CNNM1: variants seen among roughly 807,000 people sequenced by gnomAD.
The protein encoded by CNNM1 is cyclin and CBS domain divalent metal cation transport mediator 1, also known as metal transporter CNNM1.
A neutral mutation model predicts 78.8 loss-of-function variants in CNNM1; 44 were observed. That is an observed-to-expected ratio of 0.56 (90% CI 0.44 to 0.72). The LOEUF (loss-of-function observed/expected upper bound fraction) is 0.72, where lower values mean the gene tolerates loss of function less well. Among genes scored for constraint, CNNM1 ranks in the 30% least tolerant of loss-of-function variants. The pLI is 0.00. For synonymous variants in CNNM1, 584 were observed against 581.5 expected, an observed-to-expected ratio of 1.00 and a Z score of -0.06; for missense variants, 1,101 against 1,292.2, an observed-to-expected ratio of 0.85 and a Z score of 2.27.
chr10:99,353,570 T>A lies in CNNM1; in HGVS notation c.1574-3942T>A, dbSNP rs145195914. Among the ~76,000 whole-genome samples, 489 of 151,978 alleles carry A rather than the reference T, an allele frequency of 3.2e-3. 1 individual carries two copies. Among genetic ancestry groups the A allele is most frequent in the Non-Finnish European group, 5.3e-3 (363 of 67,956 alleles). ...GCACCTCTAGGGCCCAGGAAGGGAGTAAGGGAGGTGCAGGCATAGGGCTCT... is the reference window on the plus strand; with the variant it reads ...GCACCTCTAGGGCCCAGGAAGGGAGAAAGGGAGGTGCAGGCATAGGGCTCT... On this transcript the variant is annotated intron_variant, in intron 1 of 10. Transcript: ENST00000356713.
At chr10:99,356,351 C>T (rs1389506686) in intron 1 of CNNM1, among the ~76,000 whole-genome samples, 1 of 151,980 alleles carries the variant, frequency 6.6e-6, no homozygotes, top group East Asian at 1.9e-4. Flanking sequence ...TGGTGCTCAT[C>T]TGTGGTCCCA....
At chr10:99,348,251 G>A (rs1188937345) in intron 1 of CNNM1, among the ~76,000 whole-genome samples, 1 of 151,976 alleles carries the variant, frequency 6.6e-6, no homozygotes, top group African/African-American at 2.4e-5. Context: ...TTGATTCATT[G>A]CCCAGGCTGG....
At chr10:99,365,771 A>G (rs1312333395) in intron 6 of CNNM1, among the ~76,000 whole-genome samples, 2 of 152,194 alleles carry the variant, frequency 1.3e-5, no homozygotes, top group Non-Finnish European at 2.9e-5. Flanking sequence ...TGACCACTTC[A>G]ATGCCAAATA....
chr10:99,367,862 G>A (rs557248185), intron 6 of CNNM1, among the ~76,000 whole-genome samples: 4 of 31,392 alleles, frequency 1.3e-4, no homozygotes, highest in African/African-American at 4.4e-4. Flanking sequence ...CCACTTGAAG[G>A]GGGAGGGGCT....
intron 7 of CNNM1, among the ~76,000 whole-genome samples, chr10:99,384,738 C>T (rs1490218844): frequency 6.6e-6 from 1 of 152,068 alleles, no homozygotes; most frequent in East Asian, 1.9e-4. Flanking sequence ...ATCCTTGATT[C>T]CAGGTAACAA....
rs1194681130 is a variant in CNNM1, at chr10:99,391,455, G to A, written c.2795G>A (p.Arg932Lys). ...TTTTCAGGTGGCCAAAAAAGGAAGA[G>A]GTCACCAGAAGGAGAGAGAACCTCT... ...LRTLSGQKRKRSPEGERTSED... is the reference protein window; with the variant it reads ...LRTLSGQKRKKSPEGERTSED... The change falls in exon 11 of 11, where the codon AGG becomes AAG. Residue 932 changes from arginine to lysine, a missense_variant. Around this residue, in one of 3 missense-constraint regions of CNNM1, gnomAD observed 348 missense variants for 384.5 expected, o/e 0.90. Transcript: ENST00000356713. The A allele has an allele frequency of 2.2e-5, 36 of 1,613,704 alleles. No individual in the cohort carries two copies. The highest frequency in any genetic ancestry group is 3.1e-5 in the Non-Finnish European group (36 of 1,179,820).
At chr10:99,390,808 G>T (rs185877261) in intron 10 of CNNM1, among the ~76,000 whole-genome samples, 1 of 152,346 alleles carries the variant, frequency 6.6e-6, no homozygotes, top group East Asian at 1.9e-4. Flanking sequence ...GTCCTTTAAA[G>T]AATTGGTGTC....
Position 99,329,671 on chromosome 10 carries a change from G to C in CNNM1, c.284G>C (p.Gly95Ala). 1 of 1,558,782 alleles carries C rather than the reference G, an allele frequency of 6.4e-7. No individual in the cohort carries two copies. The highest frequency in any genetic ancestry group is 1.2e-5 in the South Asian group (1 of 86,192). Reference sequence around the variant, plus strand: ...GTGCCCTCACCGACCCTCAACTCGGGGGAGAATGGCACCGGCGACTGGGCT... The same window carrying C: ...GTGCCCTCACCGACCCTCAACTCGGCGGAGAATGGCACCGGCGACTGGGCT... ...APVPSPTLNS[G>A]ENGTGDWAPR... is the part of the protein sequence containing the mutation. The change falls in exon 1 of 11, where the codon GGG becomes GCG. Residue 95 changes from glycine (G) to alanine (A), a missense_variant. This residue lies in a region of CNNM1 where 476 missense variants were observed against 484.5 expected (regional missense o/e 0.98). Transcript: ENST00000356713.
chr10:99,343,337 T>C (rs2030540163), intron 1 of CNNM1, among the ~76,000 whole-genome samples: 1 of 152,194 alleles, frequency 6.6e-6, no homozygotes, highest in Admixed American at 6.5e-5. Flanking sequence ...TAATCCCTCG[T>C]AGTTGCAAAG....
At chr10:99,345,457 A>G (rs2030650389) in intron 1 of CNNM1, among the ~76,000 whole-genome samples, 1 of 152,162 alleles carries the variant, frequency 6.6e-6, no homozygotes, top group South Asian at 2.1e-4. Flanking sequence ...GCCTAGCTTG[A>G]CCACACTCCC....
chr10:99,340,179 A>G (rs1458290240), intron 1 of CNNM1, among the ~76,000 whole-genome samples: 3 of 152,146 alleles, frequency 2.0e-5, no homozygotes, highest in Admixed American at 6.6e-5. Context: ...TCCTTTAAAC[A>G]TTTTCATTGT....
Position 99,363,854 on chromosome 10 carries a change from C to T in CNNM1, c.2029-563C>T, listed in dbSNP as rs1030743208. Among the ~76,000 whole-genome samples the T allele has an allele frequency of 4.7e-5, 7 of 150,332 alleles. No homozygotes were observed. The Admixed American group carries it at 4.7e-4, about 10-fold the overall frequency. ...CTGCCTCCCTGGTTCAAGTGATTCT[C>T]CTGCCTCAGTCTCCTGAGTAGCTAG... On this transcript the variant is annotated intron_variant, in intron 4 of 10. Coordinates refer to ENST00000356713, the MANE Select transcript of CNNM1 (RefSeq NM_020348.3).
chr10:99,357,486 T>TA (rs761414286), intron 1 of CNNM1, 26 bp from the exon 2 acceptor site: 19 of 1,603,426 alleles, frequency 1.2e-5, no homozygotes, highest in Non-Finnish European at 1.5e-5. Flanking sequence ...CCCCGATACT[T>TA]AACTGTGATT....
At position 99,379,025 on chromosome 10, in the gene CNNM1, C is replaced by T. The variant is rs377176724; in HGVS notation, c.2340+1807C>T. On this transcript the variant is annotated intron_variant, in intron 7 of 10. Transcript: ENST00000356713. ...TTCTGCTCCTCATAGCTTCCAGAAG[C>T]CTTCTCATTGCTAATGCAGACCTTC... Among the ~76,000 whole-genome samples the T allele has an allele frequency of 5.9e-5, 9 of 152,314 alleles. No homozygotes were observed. The East Asian group carries it at 7.7e-4, about 13-fold the overall frequency.
At chr10:99,380,409 C>G (rs1354652866) in intron 7 of CNNM1, among the ~76,000 whole-genome samples, 1 of 152,108 alleles carries the variant, frequency 6.6e-6, no homozygotes, top group African/African-American at 2.4e-5. Flanking sequence ...ACAGATTGGA[C>G]AGTACTTTCA....
At chr10:99,347,991 T>A (rs1362548261) in intron 1 of CNNM1, among the ~76,000 whole-genome samples, 1 of 150,762 alleles carries the variant, frequency 6.6e-6, no homozygotes, top group Non-Finnish European at 1.5e-5. Flanking sequence ...CCCTTAGCAG[T>A]GTGCTATATA....
In CNNM1 at chr10:99,364,413, C is replaced by G; in HGVS notation, c.2029-4C>G. ...ATAGTACACTTCCTTTTTTTTTTTT[C>G]CAGGGTAAAGTGGAGGTGGAGGTTG... On this transcript the variant is annotated splice_region_variant and splice_polypyrimidine_tract_variant and intron_variant, in intron 4 of 10. Coordinates refer to ENST00000356713, the MANE Select transcript of CNNM1 (RefSeq NM_020348.3). 6.4e-7 allele frequency: 1 copy of G among 1,556,558 alleles called. No individual in the cohort carries two copies. The highest frequency in any genetic ancestry group is 8.7e-7 in the Non-Finnish European group (1 of 1,152,818).
intron 1 of CNNM1, among the ~76,000 whole-genome samples, chr10:99,340,808 TTC>T (rs1418053233): frequency 6.6e-6 from 1 of 150,966 alleles, no homozygotes; most frequent in Non-Finnish European, 1.5e-5. Flanking sequence ...TACTTTCTCT[TTC>T]TTTCTTTCTT....
chr10:99,368,643 C>T lies in CNNM1; in HGVS notation c.2176+3641C>T, dbSNP rs143321434. 246 of 1,289,736 alleles carry T rather than the reference C, an allele frequency of 1.9e-4. 3 individuals are homozygous for T. The East Asian group carries it at 5.8e-3, about 30-fold the overall frequency. The allele number at this position is 1,289,736 out of a possible 1,614,324, so 79.9% of individuals were successfully genotyped here. A position where few individuals can be genotyped will look rare whatever the true frequency, so the allele number is the denominator to read the frequency against. On this transcript the variant is annotated intron_variant, in intron 6 of 10. Transcript: ENST00000356713. The stretch of plus-strand genomic sequence containing the variant: ...TGCCTGTCTCTGTGTCTCGTACCTT[C>T]GCTGTCAGCAGAGGGGACTCTCTGG...
Sources: allele counts gnomAD v4.1 joint callset (sites outside exome capture counted in the v4.1 genomes callset), GRCh38; gene constraint gnomAD v4.1.1; regional missense constraint gnomAD v4.1.1; transcripts MANE v1.5; gene names NCBI Gene and HGNC (gene_info 2026-07-23, HGNC 2026-07-21).